Variants in ATRIP observed in about 807,000 individuals in gnomAD.
ATRIP encodes ATR-interacting protein.
In ATRIP, 44 loss-of-function variants were observed where a neutral mutation model predicts 78.1. That is an observed-to-expected ratio of 0.56 (90% confidence interval 0.44 to 0.72). ATRIP has a LOEUF of 0.72. Ranked by LOEUF, ATRIP falls within the 30% of genes least tolerant of loss-of-function variation. The pLI, the probability that ATRIP is intolerant of heterozygous loss-of-function variation, is 0.00. For missense variants in ATRIP, 927 were observed against 980.2 expected (o/e 0.95, Z 0.72); for synonymous variants, 388 against 408.9 (o/e 0.95, Z 0.62).
rs150987968 is a variant in ATRIP, at chr3:48,465,010, G to A, written c.2235G>A (p.Leu745=). 470 of 1,614,046 alleles carry A rather than the reference G, an allele frequency of 2.9e-4. 5 individuals carry two copies. In the South Asian group the frequency reaches 3.7e-3, roughly 13 times the overall value. Residue 745 remains leucine (L), a synonymous_variant, in exon 12 of 13, where the codon CTG becomes CTA. Coordinates refer to ENST00000320211, the MANE Select transcript of ATRIP (RefSeq NM_130384.3). ...TCATGATGCACTGCGTGGAGGTCCT[G>A]CATCAGTTTGACCAGGTGATGCCGG... ...KLFMMHCVEV[L]HQFDQVMPGV...
intron 1 of ATRIP, among the ~76,000 whole-genome samples, chr3:48,449,496 A>T (rs1169063264): frequency 1.3e-5 from 2 of 150,900 alleles, no homozygotes; most frequent in Non-Finnish European, 2.9e-5. Context: ...ATTGCTTACT[A>T]GATCTTTCCC....
chr3:48,450,247 C>T, intron 2 of ATRIP, 77 bp downstream of exon 2: 3 of 1,494,824 alleles, frequency 2.0e-6, no homozygotes. Context: ...GTAAAATATA[C>T]AAAAGTTGTA....
chr3:48,467,191 T>G lies in ATRIP; in HGVS notation c.*1637T>G, dbSNP rs886058625. On this transcript the variant is annotated 3_prime_UTR_variant, in exon 13 of 13. Coordinates refer to ENST00000320211, the MANE Select transcript of ATRIP (RefSeq NM_130384.3). Reference sequence around the variant, plus strand: ...CACGGCCCAAGGAAGAGCTATAGCCTAGGCAGCATCTACACTCGCCTGTAT... The same window carrying G: ...CACGGCCCAAGGAAGAGCTATAGCCGAGGCAGCATCTACACTCGCCTGTAT... 1.9e-6 allele frequency: 3 copies of G among 1,613,682 alleles called. No individual in the cohort carries two copies. The East Asian group carries it at 6.7e-5, about 36-fold the overall frequency.
intron 10 of ATRIP, 40 bp downstream of exon 10, chr3:48,464,172 C>G (rs1433882688): frequency 6.7e-7 from 1 of 1,496,656 alleles, no homozygotes; most frequent in Non-Finnish European, 9.3e-7. Context: ...TGTCCCCACC[C>G]CATCCTAAGA....
chr3:48,460,161 A>G lies in ATRIP; in HGVS notation c.1107A>G (p.Ser369=), dbSNP rs754182066. The G allele has an allele frequency of 6.2e-7, 1 of 1,613,858 alleles. No homozygotes were observed. The highest frequency in any genetic ancestry group is 8.5e-7 in the Non-Finnish European group (1 of 1,180,002). Residue 369 remains serine, a synonymous_variant, in exon 8 of 13, where the codon TCA becomes TCG. Transcript: ENST00000320211. ...GGACCACAGGTTCTTATGATGGGTC[A>G]TTTTCCCTCTCAGCCCTGAGAGAAG... The part of the protein sequence containing the change: ...GLRTTGSYDG[S]FSLSALREAQ...
chr3:48,450,514 T>A (rs759086429), intron 2 of ATRIP: 2 of 1,292,438 alleles, frequency 1.5e-6, no homozygotes, highest in Admixed American at 4.6e-5. Flanking sequence ...AGCAGACACT[T>A]CATATCACCA....
chr3:48,451,798 C>A lies in ATRIP; in HGVS notation c.451C>A (p.Gln151Lys). 1.2e-6 allele frequency: 2 copies of A among 1,612,572 alleles called. No individual in the cohort carries two copies. Among genetic ancestry groups the A allele is most frequent in the Non-Finnish European group, 1.7e-6 (2 of 1,178,988 alleles). The change falls in exon 3 of 13, where the codon CAG becomes AAG. Residue 151 changes from glutamine (Q) to lysine (K), a missense_variant. Coordinates refer to ENST00000320211, the MANE Select transcript of ATRIP (RefSeq NM_130384.3). ...EIKILRDSLH[Q>K]TESVLEEQRR... ...TAAAATTTTGCGAGACTCACTACAT[C>A]AGACGGAATCCGTTCTAGAGGAACA...
chr3:48,464,625 C>T lies in ATRIP; in HGVS notation c.2018C>T (p.Pro673Leu), dbSNP rs765924831. 1 of 1,614,144 alleles carries T rather than the reference C, an allele frequency of 6.2e-7. No individual in the cohort carries two copies. The highest frequency in any genetic ancestry group is 8.5e-7 in the Non-Finnish European group (1 of 1,179,998). Residue 673 changes from proline (P) to leucine (L), a missense_variant, in exon 11 of 13, where the codon CCC becomes CTC. Physicochemically the swap from Pro to Leu is moderately conservative, Grantham distance 98 (BLOSUM62 -3). Transcript: ENST00000320211. The stretch of plus-strand genomic sequence containing the variant: ...AAGCTTGGTGTGCAGAGCCCCTTGC[C>T]CCCAGTCACTGGCTCCAACTGCCAG... ...LAKLGVQSPL[P>L]PVTGSNCQCN...
At chr3:48,464,225 T>G (rs2040203635) in intron 10 of ATRIP, 93 bp downstream of exon 10, 10 of 1,149,088 alleles carry the variant, frequency 8.7e-6, no homozygotes, top group Non-Finnish European at 1.3e-5. Context: ...GAAACGGAGC[T>G]TTAATTCATT....
intron 4 of ATRIP, among the ~76,000 whole-genome samples, chr3:48,455,616 A>G (rs1030286649): frequency 4.6e-5 from 7 of 151,606 alleles, no homozygotes; most frequent in African/African-American, 1.5e-4. Flanking sequence ...CAGCCTCCCA[A>G]GTAGCTGGGA....
chr3:48,452,533 A>G (rs935548604), intron 3 of ATRIP, among the ~76,000 whole-genome samples: 2 of 152,080 alleles, frequency 1.3e-5, no homozygotes, highest in African/African-American at 2.4e-5. Context: ...AGAAAAAGAA[A>G]AAATGAACAA....
chr3:48,465,960 C>A lies in ATRIP; in HGVS notation c.*406C>A. 3.4e-6 allele frequency: 1 copy of A among 290,460 alleles called. No homozygotes were observed. The highest frequency in any genetic ancestry group is 6.7e-6 in the Non-Finnish European group (1 of 148,184). The allele number at this position is 290,460 out of a possible 1,614,324, so 18.0% of individuals were successfully genotyped here. ...ACAGGTGGGCATGAAAGGGCCGCAG[C>A]AGGGGCTCCCAGCAGTGTGTAAGAC... is the stretch of plus-strand genomic sequence containing the variant. On this transcript the variant is annotated 3_prime_UTR_variant, in exon 13 of 13. Transcript: ENST00000320211.
intron 12 of ATRIP, among the ~76,000 whole-genome samples, 157 bp downstream of exon 12, chr3:48,465,240 TCTC>T (rs2040246671): frequency 6.6e-6 from 1 of 152,200 alleles, no homozygotes; most frequent in Admixed American, 6.5e-5. Context: ...CCTCAGTTCT[TCTC>T]CAAGCATATT....
At chr3:48,459,761 T>C in intron 6 of ATRIP, 26 bp from the exon 7 acceptor site, 1 of 1,606,256 alleles carries the variant, frequency 6.2e-7, no homozygotes, top group Non-Finnish European at 8.5e-7. Context: ...TGTCAGAACC[T>C]TCTAGAGTCA....
rs1413889610 is a variant in ATRIP at position 48,467,103 on chromosome 3, G to A, written c.*1549G>A. 1.2e-6 allele frequency: 2 copies of A among 1,613,838 alleles called. No individual in the cohort carries two copies. Among genetic ancestry groups the A allele is most frequent in the East Asian group, 2.2e-5 (1 of 44,884 alleles). On this transcript the variant is annotated 3_prime_UTR_variant, in exon 13 of 13. Coordinates refer to ENST00000320211, the MANE Select transcript of ATRIP (RefSeq NM_130384.3). Reference sequence around the variant, plus strand: ...GGGCCTCACCAGTGCTCTGGATGGTGCCTTCTGTGTGGATAGCATCACTGC... The same window carrying A: ...GGGCCTCACCAGTGCTCTGGATGGTACCTTCTGTGTGGATAGCATCACTGC...
Position 48,457,315 on chromosome 3 carries a change from G to A in ATRIP, c.728G>A (p.Gly243Glu). ...CCAGAAGCATGTTCTCCACAATTTG[G>A]AAAAACATCTTTTCCTACAAAGGAG... is the stretch of plus-strand genomic sequence containing the variant. ...IKPEACSPQF[G>E]KTSFPTKESF... The change falls in exon 5 of 13, where the codon GGA (glycine) becomes GAA (glutamate). Residue 243 changes from glycine (G) to glutamate (E), a missense_variant. Gly to Glu is a moderately conservative substitution (Grantham distance 98). Transcript: ENST00000320211. 1.2e-6 allele frequency: 2 copies of A among 1,606,460 alleles called. No homozygotes were observed. Among genetic ancestry groups the A allele is most frequent in the Non-Finnish European group, 1.7e-6 (2 of 1,176,846 alleles).
intron 12 of ATRIP, 53 bp from the exon 13 acceptor site, chr3:48,465,434 C>G: frequency 1.3e-6 from 2 of 1,563,246 alleles, no homozygotes; most frequent in Non-Finnish European, 8.8e-7. Context: ...GGGACCTGCC[C>G]TAGGCCCTGG....
In ATRIP at chr3:48,460,582, A is replaced by G. The variant is rs2040077156; in HGVS notation, c.1528A>G (p.Asn510Asp). Residue 510 changes from asparagine to aspartate, a missense_variant, in exon 8 of 13, where the codon AAC becomes GAC. Asn to Asp is a conservative substitution (Grantham distance 23). Coordinates refer to ENST00000320211, the MANE Select transcript of ATRIP (RefSeq NM_130384.3). The part of the protein sequence containing the change: ...VGADSAAGEG[N>D]RSLVHRLSDG... ...GGCAGATTCTGCTGCTGGGGAAGGA[A>G]ACAGGAGCCTGGTTCACAGGCTTAG... is the stretch of plus-strand genomic sequence containing the variant. 6.2e-7 allele frequency: 1 copy of G among 1,614,000 alleles called. No homozygotes were observed.
chr3:48,451,681 G>A, intron 2 of ATRIP, 48 bp from the exon 3 acceptor site: 1 of 1,501,902 alleles, frequency 6.7e-7, no homozygotes, highest in Non-Finnish European at 9.1e-7. Context: ...AAGTACCTAA[G>A]TAGTTTTCTC....
Sources: allele counts gnomAD v4.1 joint callset (sites outside exome capture counted in the v4.1 genomes callset), GRCh38; gene constraint gnomAD v4.1.1; transcripts MANE v1.5; gene names NCBI Gene and HGNC (gene_info 2026-07-23, HGNC 2026-07-21).